CFLAR: variants seen among roughly 807,000 people sequenced by gnomAD.
CFLAR encodes CASP8 and FADD like apoptosis regulator.
CFLAR carries 14 observed loss-of-function variants against 51.1 expected under a neutral mutation model. The observed-to-expected ratio is 0.27, with a 90% confidence interval of 0.18 to 0.43. The LOEUF (loss-of-function observed/expected upper bound fraction) is 0.43. Among genes scored for constraint, CFLAR ranks in the 20% least tolerant of loss-of-function variants. The probability of loss-of-function intolerance (pLI) is 1.00; values close to 1 mark genes in which losing one functional copy is unlikely to be tolerated. For missense variants in CFLAR, 390 were observed against 566.5 expected (o/e 0.69, Z 3.16); for synonymous variants, 210 against 211.6 (o/e 0.99, Z 0.06).
At chr2:201,119,244 A>G (rs2047925935) in intron 1 of CFLAR, 1 of 152,216 alleles carries the variant, frequency 6.6e-6, no homozygotes, top group Admixed American at 6.5e-5. Flanking sequence ...TCTCTGGGCC[A>G]GGCAGAGTTC....
chr2:201,138,109 C>T lies in CFLAR; in HGVS notation c.523+2002C>T. 3 of 759,680 alleles carry T rather than the reference C, an allele frequency of 3.9e-6. No homozygotes were observed. The highest frequency in any genetic ancestry group is 7.3e-6 in the Non-Finnish European group (3 of 410,146). 47.1% of individuals were successfully genotyped at this position (759,680 alleles called of 1,614,324 possible). ...AGTCCATGCCCCTGCCCAGCCCATC[C>T]ACACCAGCGTCAATCAGGTTGTTGG... On this transcript the variant is annotated intron_variant, in intron 4 of 9. Coordinates refer to ENST00000309955, the MANE Select transcript of CFLAR (RefSeq NM_003879.7). This position sits in a 1 kb window ranked among gnomAD's most constrained non-coding sequence, Gnocchi z 4.0.
At chr2:201,158,451 A>G (rs1942536559) in intron 8 of CFLAR, among the ~76,000 whole-genome samples, 1 of 152,210 alleles carries the variant, frequency 6.6e-6, no homozygotes, top group African/African-American at 2.4e-5. Context: ...AGAGGTTTTG[A>G]GGGAAGTGAA....
At chr2:201,121,294 C>T (rs73043392) in intron 1 of CFLAR, among the ~76,000 whole-genome samples, 1 of 152,340 alleles carries the variant, frequency 6.6e-6, no homozygotes, top group African/African-American at 2.4e-5. Flanking sequence ...TAGCACAAAG[C>T]TATACCCCCA....
chr2:201,159,556 C>T (rs1047835865), intron 8 of CFLAR, among the ~76,000 whole-genome samples: 2 of 152,050 alleles, frequency 1.3e-5, no homozygotes, highest in Non-Finnish European at 2.9e-5. Flanking sequence ...GTAATCTGCC[C>T]GCCTCAGCCT....
intron 1 of CFLAR, among the ~76,000 whole-genome samples, chr2:201,120,079 A>G (rs2048049761): frequency 7.3e-6 from 1 of 136,194 alleles, no homozygotes; most frequent in South Asian, 2.2e-4. Context: ...GCTGGAGTGC[A>G]GTGGTGATCA....
At chr2:201,148,821 T>C in intron 6 of CFLAR, 182 bp from the exon 7 acceptor site, 1 of 539,380 alleles carries the variant, frequency 1.9e-6, no homozygotes, top group Admixed American at 3.1e-5. Context: ...ACTTGTGTTT[T>C]CTTATGTCAC....
intron 6 of CFLAR, chr2:201,146,276 A>G (rs1940147114): frequency 6.6e-6 from 1 of 152,162 alleles, no homozygotes; most frequent in South Asian, 2.1e-4. Context: ...CCTCCTGAGT[A>G]GCTGGGATTA....
At chr2:201,137,973 GC>G in intron 4 of CFLAR, 1 of 749,334 alleles carries the variant, frequency 1.3e-6, no homozygotes, top group Non-Finnish European at 2.5e-6. Flanking sequence ...GCCACCATCG[GC>G]TATGATGGGC....
At chr2:201,137,802 A>G (rs2050346338) in intron 4 of CFLAR, 6 of 1,190,102 alleles carry the variant, frequency 5.0e-6, no homozygotes, top group Non-Finnish European at 7.4e-6. Context: ...GCTCTTCTCC[A>G]TGGCATCCAG....
At position 201,160,943 on chromosome 2, in the gene CFLAR, G is replaced by C; in HGVS notation, c.1304+1G>C. On this transcript the variant is annotated splice_donor_variant, in intron 9 of 9. Transcript: ENST00000309955. LOFTEE classifies it high-confidence loss of function. ...TCTCCCAGAAACTGAGACAAGAAAG[G>C]TGAGCCCCCAGGAGGTGGTCAGTTC... is the stretch of plus-strand genomic sequence containing the variant. 1 of 1,610,228 alleles carries C rather than the reference G, an allele frequency of 6.2e-7. No homozygotes were observed. Among genetic ancestry groups the C allele is most frequent in the Non-Finnish European group, 8.5e-7 (1 of 1,176,912 alleles).
At chr2:201,144,464 A>T (rs952505729) in intron 5 of CFLAR, among the ~76,000 whole-genome samples, 1 of 152,250 alleles carries the variant, frequency 6.6e-6, no homozygotes, top group Non-Finnish European at 1.5e-5. Context: ...GACATTTATT[A>T]TGTACTTCCA....
chr2:201,165,898 G>A lies in CFLAR; in HGVS notation c.*1925G>A, dbSNP rs540095333. The A allele has an allele frequency of 1.6e-4, 34 of 206,322 alleles. No individual in the cohort carries two copies. The highest frequency in any genetic ancestry group is 1.1e-3 in the South Asian group (16 of 14,284). The allele number at this position is 206,322 out of a possible 1,614,324, so 12.8% of individuals were successfully genotyped here. On this transcript the variant is annotated 3_prime_UTR_variant, in exon 10 of 10. Coordinates refer to ENST00000309955, the MANE Select transcript of CFLAR (RefSeq NM_003879.7). ...TGTTTCAGAGAGCACAGGGTTGGGG[G>A]TAAGGTCATAGATCAACAGCATCCT...
chr2:201,123,014 G>A (rs1048296622), intron 1 of CFLAR, among the ~76,000 whole-genome samples: 2 of 152,164 alleles, frequency 1.3e-5, no homozygotes, highest in Admixed American at 6.5e-5. Context: ...TGGGCAATCC[G>A]TTGTGTAAGC....
intron 3 of CFLAR, among the ~76,000 whole-genome samples, chr2:201,133,600 G>A (rs2125693105): frequency 6.6e-6 from 1 of 152,170 alleles, no homozygotes; most frequent in Admixed American, 6.6e-5. Context: ...CTTGTGACTG[G>A]TGTATCTGGG....
At position 201,173,463 on chromosome 2, in the gene CFLAR, TC is replaced by T. The variant is rs1198531315; in HGVS notation, c.*9493del. 1 of 152,316 alleles carries T rather than the reference TC, an allele frequency of 6.6e-6. No individual in the cohort carries two copies. The highest frequency in any genetic ancestry group is 6.5e-5 in the Admixed American group (1 of 15,282). The allele number at this position is 152,316 out of a possible 1,614,324, so 9.4% of individuals were successfully genotyped here. On this transcript the variant is annotated 3_prime_UTR_variant, in exon 10 of 10. Coordinates refer to ENST00000309955, the MANE Select transcript of CFLAR (RefSeq NM_003879.7). ...ACCTCGTGATCCGCCTGCCTTGGCC[TC>T]CCAAAGTGCTGGGATTACAGGCGTG...
intron 5 of CFLAR, among the ~76,000 whole-genome samples, chr2:201,144,892 G>A (rs535883476): frequency 2.7e-5 from 4 of 149,846 alleles, no homozygotes; most frequent in Non-Finnish European, 4.5e-5. Context: ...CACTCTTGTC[G>A]CCCAGGCTGG....
At chr2:201,148,790 A>T (rs1464940551) in intron 6 of CFLAR, 17 of 476,336 alleles carry the variant, frequency 3.6e-5, no homozygotes, top group Non-Finnish European at 5.8e-5. Context: ...GCTTTTCCAG[A>T]TAGCCCCTGA....
chr2:201,145,543 C>G, intron 6 of CFLAR, 111 bp downstream of exon 6: 1 of 731,904 alleles, frequency 1.4e-6, no homozygotes, highest in Non-Finnish European at 2.4e-6. Context: ...TCTAAGTAAG[C>G]TCTCAAAATA....
intron 3 of CFLAR, among the ~76,000 whole-genome samples, chr2:201,134,368 C>T (rs2049810412): frequency 6.6e-6 from 1 of 151,494 alleles, no homozygotes; most frequent in Admixed American, 6.6e-5. Flanking sequence ...GGCACAGTGG[C>T]TCATGCTTGT....
Sources: gnomAD v4.1 joint callset for allele counts (sites outside exome capture counted in the v4.1 genomes callset) on GRCh38, gnomAD v4.1.1 for gene constraint, Gnocchi (gnomAD v3.1) non-coding constraint, MANE v1.5 for transcripts, NCBI Gene and HGNC (gene_info 2026-07-23, HGNC 2026-07-21) for gene names.